Variants in TRPM3 observed in about 807,000 individuals in gnomAD.
The protein encoded by TRPM3 is transient receptor potential cation channel subfamily M member 3, also known as long transient receptor potential channel 3.
A neutral mutation model predicts 181.2 loss-of-function variants in TRPM3; 77 were observed. The ratio of observed to expected loss-of-function variants is 0.42; its 90% CI spans 0.35 to 0.51. TRPM3 has a LOEUF of 0.51. Ranked by LOEUF, TRPM3 falls within the 20% of genes least tolerant of loss-of-function variation. The probability of loss-of-function intolerance (pLI) is 0.01; values close to 1 mark genes in which losing one functional copy is unlikely to be tolerated. For synonymous variants in TRPM3, 745 were observed against 796.4 expected (o/e 0.94, Z 1.09); for missense variants, 1,759 against 2,196.7 (o/e 0.80, Z 3.98).
chr9:70,673,124 T>C (rs188370792), intron 9 of TRPM3, among the ~76,000 whole-genome samples: 15 of 152,236 alleles, frequency 9.9e-5, no homozygotes, highest in African/African-American at 3.4e-4. Context: ...TCTTTCACAC[T>C]CTTTGGTTTC....
At chr9:71,387,136 A>T (rs1363520498) in intron 1 of TRPM3, among the ~76,000 whole-genome samples, 1 of 152,210 alleles carries the variant, frequency 6.6e-6, no homozygotes, top group Non-Finnish European at 1.5e-5. Flanking sequence ...GGAATAAATT[A>T]GACTCGATTT....
chr9:70,646,722 A>AT (rs1465429240), intron 9 of TRPM3, among the ~76,000 whole-genome samples: 1 of 151,822 alleles, frequency 6.6e-6, no homozygotes, highest in African/African-American at 2.4e-5. Context: ...TATAATAATA[A>AT]AAAAAAAGCA....
chr9:70,883,036 A>G (rs1674497101), intron 1 of TRPM3, among the ~76,000 whole-genome samples: 1 of 152,210 alleles, frequency 6.6e-6, no homozygotes, highest in Admixed American at 6.5e-5. Flanking sequence ...ATGGGAGAGT[A>G]ACAAACTTGA....
At chr9:71,428,793 T>C (rs1456708527) in intron 1 of TRPM3, among the ~76,000 whole-genome samples, 1 of 152,128 alleles carries the variant, frequency 6.6e-6, no homozygotes, top group African/African-American at 2.4e-5. Flanking sequence ...TACTTTCTCA[T>C]GGCTCCTTTT....
At chr9:71,255,615 A>C (rs1207628233) in intron 1 of TRPM3, among the ~76,000 whole-genome samples, 1 of 152,210 alleles carries the variant, frequency 6.6e-6, no homozygotes, top group Non-Finnish European at 1.5e-5. Context: ...GATGATGTTG[A>C]AGTCTATTCT....
intron 7 of TRPM3, among the ~76,000 whole-genome samples, chr9:70,769,116 G>A (rs1489535893): frequency 6.6e-6 from 1 of 152,066 alleles, no homozygotes; most frequent in East Asian, 1.9e-4. Flanking sequence ...TGATTCTATT[G>A]CATCCTTCTT....
At chr9:71,209,778 T>C (rs918718629) in intron 1 of TRPM3, among the ~76,000 whole-genome samples, 3 of 152,184 alleles carry the variant, frequency 2.0e-5, no homozygotes, top group Admixed American at 6.6e-5. Flanking sequence ...ATGAAAATTA[T>C]ATGACATTTA....
chr9:70,970,735 T>A (rs1017639632), intron 1 of TRPM3, among the ~76,000 whole-genome samples: 7 of 152,184 alleles, frequency 4.6e-5, no homozygotes, highest in Non-Finnish European at 1.0e-4. Flanking sequence ...AGCTTCTCTG[T>A]GCGTTGTGTT....
Position 70,549,607 on chromosome 9 carries a change from G to A in TRPM3, c.3642C>T (p.Tyr1214=), listed in dbSNP as rs989527317. The part of the protein sequence containing the change: ...HDFEEQCIEE[Y]FREKDDRFNS... ...TGAACCGATCATCCTTTTCTCTGAA[G>A]TATTCTTCTATGCATTGCTCTTCAA... The change falls in exon 25 of 26, where the codon TAC becomes TAT. Residue 1214 remains tyrosine (Y), a synonymous_variant. Transcript: ENST00000677713. The A allele has an allele frequency of 4.3e-6, 7 of 1,612,988 alleles. No homozygotes were observed. The highest frequency in any genetic ancestry group is 4.0e-5 in the African/African-American group (3 of 74,754).
intron 1 of TRPM3, among the ~76,000 whole-genome samples, chr9:70,998,946 T>C (rs1164421183): frequency 6.6e-6 from 1 of 152,216 alleles, no homozygotes; most frequent in Non-Finnish European, 1.5e-5. Flanking sequence ...ATCCCTCCTC[T>C]ATACAAGGCA....
chr9:71,282,561 A>G (rs933556537), intron 1 of TRPM3, among the ~76,000 whole-genome samples: 24 of 152,228 alleles, frequency 1.6e-4, no homozygotes, highest in African/African-American at 5.5e-4. Context: ...TTAAACTTCA[A>G]GTAAAATTGT....
chr9:70,677,599 A>G (rs564084615), intron 9 of TRPM3, among the ~76,000 whole-genome samples: 2 of 152,364 alleles, frequency 1.3e-5, no homozygotes, highest in African/African-American at 4.8e-5. Context: ...TCAGTGTGTT[A>G]GCATTCCATC....
intron 1 of TRPM3, among the ~76,000 whole-genome samples, chr9:71,022,843 T>A (rs2134530356): frequency 6.6e-6 from 1 of 151,764 alleles, no homozygotes; most frequent in African/African-American, 2.4e-5. Flanking sequence ...AATAAAAAAA[T>A]AAATAAAATA....
chr9:70,801,952 G>T (rs559761031), intron 6 of TRPM3, among the ~76,000 whole-genome samples: 2 of 152,186 alleles, frequency 1.3e-5, no homozygotes, highest in Non-Finnish European at 2.9e-5. Context: ...ATTTTAGCAT[G>T]CATCAGAATT....
intron 1 of TRPM3, among the ~76,000 whole-genome samples, chr9:71,042,832 C>A (rs2058986178): frequency 6.6e-6 from 1 of 152,112 alleles, no homozygotes; most frequent in Admixed American, 6.5e-5. Context: ...GCATTCTATA[C>A]CTGGCAGTTG....
intron 25 of TRPM3, among the ~76,000 whole-genome samples, chr9:70,546,728 C>T (rs1000420463): frequency 2.7e-5 from 4 of 149,418 alleles, no homozygotes; most frequent in African/African-American, 7.4e-5. Context: ...AGATGAAAAG[C>T]TTGGTTATTT....
intron 1 of TRPM3, among the ~76,000 whole-genome samples, chr9:71,290,251 C>T (rs2085691669): frequency 6.6e-6 from 1 of 151,748 alleles, no homozygotes; most frequent in South Asian, 2.1e-4. Flanking sequence ...TTTAAGCAGT[C>T]TAAGATAGTA....
At position 71,098,338 on chromosome 9, in the gene TRPM3, T is replaced by C. The variant is rs532704353; in HGVS notation, c.177+22840A>G. On this transcript the variant is annotated intron_variant, in intron 1 of 25. Coordinates refer to ENST00000677713, the MANE Select transcript of TRPM3 (RefSeq NM_001366145.2). ...GGAATTAATGAAGCCTATTTTTACATCATCTGTTAGCTGGAGACCAAACTT... is the reference window on the plus strand; with the variant it reads ...GGAATTAATGAAGCCTATTTTTACACCATCTGTTAGCTGGAGACCAAACTT... Among the ~76,000 whole-genome samples the C allele has an allele frequency of 2.0e-5, 3 of 152,260 alleles. No homozygotes were observed. The South Asian group carries it at 6.2e-4, about 32-fold the overall frequency.
chr9:70,889,040 C>T (rs185016482), intron 1 of TRPM3, among the ~76,000 whole-genome samples: 15 of 152,172 alleles, frequency 9.9e-5, no homozygotes, highest in East Asian at 5.8e-4. Flanking sequence ...ATTAACATTG[C>T]CAACTAGAGA....
Sources: allele counts gnomAD v4.1 joint callset (sites outside exome capture counted in the v4.1 genomes callset), GRCh38; gene constraint gnomAD v4.1.1; transcripts MANE v1.5; gene names NCBI Gene and HGNC (gene_info 2026-07-23, HGNC 2026-07-21).